Variants in TENM3 observed in about 807,000 individuals in gnomAD.
TENM3 encodes the protein teneurin-3.
In TENM3, 63 loss-of-function variants were observed where a neutral mutation model predicts 255.1. The ratio of observed to expected loss-of-function variants is 0.25; its 90% CI spans 0.20 to 0.30. TENM3 has a LOEUF of 0.30. Ranked by LOEUF, TENM3 falls within the 10% of genes least tolerant of loss-of-function variation. The probability of loss-of-function intolerance (pLI) is 1.00; values close to 1 mark genes in which losing one functional copy is unlikely to be tolerated. For missense variants in TENM3, 2,929 were observed against 3,461.1 expected, an observed-to-expected ratio of 0.85 and a Z score of 3.86; for synonymous variants, 1,306 against 1,322.3, an observed-to-expected ratio of 0.99 and a Z score of 0.27.
chr4:181,500,560 A>G, the TENM3 span, among the ~76,000 whole-genome samples: 2 of 152,158 alleles, frequency 1.3e-5, no homozygotes, highest in Non-Finnish European at 2.9e-5. Flanking sequence ...AATTTCAGTC[A>G]CTTCCATTTT....
the TENM3 span, among the ~76,000 whole-genome samples, chr4:182,001,608 A>G: frequency 1.3e-5 from 2 of 151,976 alleles, no homozygotes; most frequent in Admixed American, 6.6e-5. Flanking sequence ...ATCAACTACT[A>G]CTTTTGCTGC....
chr4:182,455,335 T>A (rs1580608145), intron 3 of TENM3, among the ~76,000 whole-genome samples: 1 of 152,110 alleles, frequency 6.6e-6, no homozygotes, highest in Non-Finnish European at 1.5e-5. Flanking sequence ...TCCATTTGGG[T>A]TGCCCTGCCT....
chr4:182,605,182 C>G (rs1032409733), intron 4 of TENM3, among the ~76,000 whole-genome samples: 1 of 152,108 alleles, frequency 6.6e-6, no homozygotes, highest in African/African-American at 2.4e-5. Context: ...TTACTGATAA[C>G]TAATAAACTA....
the TENM3 span, among the ~76,000 whole-genome samples, chr4:181,813,137 C>T: frequency 6.6e-6 from 1 of 152,156 alleles, no homozygotes; most frequent in Non-Finnish European, 1.5e-5. Context: ...CTGGTGAGGC[C>T]CTGCTTCCTC....
the TENM3 span, among the ~76,000 whole-genome samples, chr4:181,584,957 A>C: frequency 6.6e-6 from 1 of 151,058 alleles, no homozygotes; most frequent in South Asian, 2.1e-4. Context: ...ATGAATGTCC[A>C]TATAGTTGAA....
chr4:181,636,111 T>G, the TENM3 span, among the ~76,000 whole-genome samples: 1 of 152,152 alleles, frequency 6.6e-6, no homozygotes, highest in Non-Finnish European at 1.5e-5. Context: ...AATGATGTGA[T>G]CTCAGCTCAC....
intron 3 of TENM3, among the ~76,000 whole-genome samples, chr4:182,479,454 T>C (rs1335269527): frequency 6.6e-6 from 1 of 151,984 alleles, no homozygotes; most frequent in Non-Finnish European, 1.5e-5. Flanking sequence ...CAGCCTAAAC[T>C]CAGGCTTATG....
At chr4:182,361,701 C>A (rs1236591653) in intron 3 of TENM3, among the ~76,000 whole-genome samples, 1 of 151,958 alleles carries the variant, frequency 6.6e-6, no homozygotes, top group Non-Finnish European at 1.5e-5. Flanking sequence ...TCGTCTGAAG[C>A]CTTCTTCTCT....
chr4:182,034,617 G>A, the TENM3 span, among the ~76,000 whole-genome samples: 1 of 152,140 alleles, frequency 6.6e-6, no homozygotes, highest in African/African-American at 2.4e-5. Flanking sequence ...TGTCTGGAAA[G>A]GTTTTGTTTC....
chr4:182,337,886 C>T (rs1255989966), intron 2 of TENM3, among the ~76,000 whole-genome samples: 2 of 152,114 alleles, frequency 1.3e-5, no homozygotes, highest in African/African-American at 4.8e-5. Flanking sequence ...TGAGTACATC[C>T]TGTATGACTC....
chr4:181,728,846 C>A, the TENM3 span, among the ~76,000 whole-genome samples: 1 of 151,668 alleles, frequency 6.6e-6, no homozygotes, highest in East Asian at 2.0e-4. Flanking sequence ...CTGGTTCAAA[C>A]ACCTCTGACA....
chr4:182,762,351 T>G (rs1763269503), intron 22 of TENM3, among the ~76,000 whole-genome samples: 1 of 152,214 alleles, frequency 6.6e-6, no homozygotes, highest in African/African-American at 2.4e-5. Flanking sequence ...TTTGATGGCC[T>G]CATATCTGTG....
chr4:181,716,374 A>C, the TENM3 span, among the ~76,000 whole-genome samples: 1 of 152,218 alleles, frequency 6.6e-6, no homozygotes, highest in African/African-American at 2.4e-5. Context: ...TATTGATGAG[A>C]TATAGTACAT....
the TENM3 span, among the ~76,000 whole-genome samples, chr4:181,671,465 C>T: frequency 1.3e-5 from 2 of 152,244 alleles, no homozygotes; most frequent in African/African-American, 2.4e-5. Context: ...CTGGCTTAGC[C>T]TCTTAATACT....
the TENM3 span, among the ~76,000 whole-genome samples, chr4:181,606,527 CTG>C: frequency 6.6e-6 from 1 of 152,090 alleles, no homozygotes; most frequent in Admixed American, 6.5e-5. Context: ...AGAGAGAAGA[CTG>C]TGGTCTGTAA....
the TENM3 span, among the ~76,000 whole-genome samples, chr4:182,083,960 A>G: frequency 6.7e-6 from 1 of 149,914 alleles, no homozygotes; most frequent in African/African-American, 2.4e-5. Context: ...ACTGCAGTTG[A>G]AAAAAAAAAG....
At chr4:182,659,748 C>A (rs1048853405) in intron 6 of TENM3, among the ~76,000 whole-genome samples, 4 of 152,314 alleles carry the variant, frequency 2.6e-5, no homozygotes, top group Non-Finnish European at 5.9e-5. Flanking sequence ...TCTTCACACA[C>A]AAATTTGAGA....
chr4:181,519,246 G>T, the TENM3 span, among the ~76,000 whole-genome samples: 1 of 152,174 alleles, frequency 6.6e-6, no homozygotes, highest in Non-Finnish European at 1.5e-5. Context: ...AAGAAAAACA[G>T]AGTGAGGCAG....
chr4:182,480,183 G>A (rs1252956858), intron 3 of TENM3, among the ~76,000 whole-genome samples: 2 of 151,942 alleles, frequency 1.3e-5, no homozygotes, highest in East Asian at 3.9e-4. Context: ...GAGCTGTGTG[G>A]AAGATTCACT....
Sources: gnomAD v4.1 joint callset for allele counts (sites outside exome capture counted in the v4.1 genomes callset) on GRCh38, gnomAD v4.1.1 for gene constraint, MANE v1.5 for transcripts, NCBI Gene and HGNC (gene_info 2026-07-23, HGNC 2026-07-21) for gene names.